SHANK2: variants seen among roughly 807,000 people sequenced by gnomAD.
SHANK2 encodes SH3 and multiple ankyrin repeat domains 2.
Under a neutral mutation model 133.7 loss-of-function variants are expected in SHANK2, and 43 were observed. That is an observed-to-expected ratio of 0.32 (90% CI 0.25 to 0.41). The LOEUF (loss-of-function observed/expected upper bound fraction) is 0.41. Among genes scored for constraint, SHANK2 ranks in the 10% least tolerant of loss-of-function variants. SHANK2 has a pLI of 1.00. For synonymous variants in SHANK2, 1,017 were observed against 952.8 expected, an observed-to-expected ratio of 1.07 and a Z score of -1.24; for missense variants, 1,994 against 2,235.8, an observed-to-expected ratio of 0.89 and a Z score of 2.18.
At chr11:70,825,076 C>T (rs986733531) in intron 11 of SHANK2, among the ~76,000 whole-genome samples, 2 of 152,160 alleles carry the variant, frequency 1.3e-5, no homozygotes, top group African/African-American at 2.4e-5. Context: ...CAGCCGACTG[C>T]CTCACGCCCA....
chr11:71,224,863 T>A (rs1954615424), intron 1 of SHANK2, 67 bp from the exon 2 acceptor site: 1 of 152,176 alleles, frequency 6.6e-6, no homozygotes, highest in Non-Finnish European at 1.5e-5. Flanking sequence ...TGTTAAAACT[T>A]CATGTAGATT....
At chr11:70,909,331 G>A (rs1255909874) in intron 10 of SHANK2, among the ~76,000 whole-genome samples, 3 of 152,182 alleles carry the variant, frequency 2.0e-5, no homozygotes, top group Non-Finnish European at 4.4e-5. Flanking sequence ...CTAGACTCAC[G>A]GCACAGAATG....
intron 14 of SHANK2, among the ~76,000 whole-genome samples, chr11:70,765,802 T>G: frequency 6.6e-6 from 1 of 152,048 alleles, no homozygotes. Flanking sequence ...ATACATGAAA[T>G]AAGTTTTGTT....
intron 17 of SHANK2, among the ~76,000 whole-genome samples, chr11:70,616,742 C>A (rs1220523638): frequency 1.3e-5 from 2 of 152,186 alleles, no homozygotes; most frequent in Non-Finnish European, 1.5e-5. Context: ...GGGAGTACTT[C>A]CAGGCTGGGG....
intron 1 of SHANK2, among the ~76,000 whole-genome samples, chr11:71,230,509 C>G (rs1954725247): frequency 6.7e-6 from 1 of 149,940 alleles, no homozygotes; most frequent in South Asian, 2.1e-4. Flanking sequence ...GTGGAGATTG[C>G]AGTGAGCCGA....
At chr11:70,558,382 G>A (rs1034602426) in intron 17 of SHANK2, among the ~76,000 whole-genome samples, 4 of 152,210 alleles carry the variant, frequency 2.6e-5, no homozygotes, top group Admixed American at 1.3e-4. Context: ...CAGCCCATTC[G>A]GCGTGCACGA....
rs1953538883 is a variant in SHANK2 at position 71,180,774 on chromosome 11, A to G, written c.-12-33436T>C. Among the ~76,000 whole-genome samples, 3 of 152,082 alleles carry G rather than the reference A, an allele frequency of 2.0e-5. No homozygotes were observed. The South Asian group carries it at 6.2e-4, about 31-fold the overall frequency. On this transcript the variant is annotated intron_variant, in intron 2 of 25. Transcript: ENST00000601538. ...CACTTTTAGGAAGTGCTGAAGCTAC[A>G]ACCCAAGAAGGACGGAATTTTTACC...
At chr11:71,225,261 C>A (rs1954620898) in intron 1 of SHANK2, among the ~76,000 whole-genome samples, 1 of 152,202 alleles carries the variant, frequency 6.6e-6, no homozygotes, top group Non-Finnish European at 1.5e-5. Flanking sequence ...GTGGCCTCAG[C>A]CCCACCCACA....
chr11:70,652,998 A>T (rs910592532), intron 17 of SHANK2, among the ~76,000 whole-genome samples: 18 of 151,874 alleles, frequency 1.2e-4, no homozygotes, highest in Non-Finnish European at 2.2e-4. Flanking sequence ...TTTGAGATGG[A>T]GTCTCGCTCT....
intron 10 of SHANK2, among the ~76,000 whole-genome samples, chr11:70,937,346 C>G (rs1442110896): frequency 6.6e-6 from 1 of 152,078 alleles, no homozygotes; most frequent in African/African-American, 2.4e-5. Flanking sequence ...AAACAAAAGC[C>G]CCAAATGCCT....
At chr11:70,573,279 G>A (rs1163071989) in intron 17 of SHANK2, among the ~76,000 whole-genome samples, 4 of 129,106 alleles carry the variant, frequency 3.1e-5, no homozygotes. Context: ...AGCGGTGGGG[G>A]CGGGGGGGCT....
At chr11:70,603,790 C>G (rs1445578222) in intron 17 of SHANK2, 1 of 152,708 alleles carries the variant, frequency 6.5e-6, no homozygotes, top group Non-Finnish European at 1.5e-5. Flanking sequence ...AAGGAAATGT[C>G]TGTGGAGCTC....
At chr11:70,860,032 G>A (rs899449934) in intron 11 of SHANK2, among the ~76,000 whole-genome samples, 1 of 152,062 alleles carries the variant, frequency 6.6e-6, no homozygotes, top group Admixed American at 6.6e-5. Context: ...AAAGAACCCC[G>A]ACTATCTCCC....
At chr11:71,235,360 G>A (rs1040163514) in intron 1 of SHANK2, among the ~76,000 whole-genome samples, 36 of 152,220 alleles carry the variant, frequency 2.4e-4, no homozygotes, top group African/African-American at 8.7e-4. Context: ...TTGGGAGGCC[G>A]AGGCAGGTGG....
At chr11:70,596,543 C>T (rs1387256898) in intron 17 of SHANK2, among the ~76,000 whole-genome samples, 5 of 152,226 alleles carry the variant, frequency 3.3e-5, no homozygotes, top group African/African-American at 4.8e-5. Context: ...AAGAGGACTG[C>T]AGGACTTTCC....
intron 3 of SHANK2, among the ~76,000 whole-genome samples, chr11:71,139,918 C>T (rs1185322946): frequency 6.6e-6 from 1 of 152,188 alleles, no homozygotes; most frequent in East Asian, 1.9e-4. Flanking sequence ...CAGCAGTGGG[C>T]CCGGACAGCA....
rs1262358533 is a variant in SHANK2 at position 70,569,261 on chromosome 11, G to T, written c.2062-66330C>A. On this transcript the variant is annotated intron_variant, in intron 17 of 25. Coordinates refer to ENST00000601538, the MANE Select transcript of SHANK2 (RefSeq NM_012309.5). This position sits in a 1 kb window ranked among gnomAD's most constrained non-coding sequence, Gnocchi z 5.1. ...TAAGTGTGTAGTGACCCCAGGGGAG[G>T]CTGGTGGCTAAGCCATGCCGCTGGG... is the stretch of plus-strand genomic sequence containing the variant. 1.3e-5 allele frequency among the ~76,000 whole-genome samples: 2 copies of T among 152,204 alleles called. No individual in the cohort carries two copies. Among genetic ancestry groups the T allele is most frequent in the Non-Finnish European group, 2.9e-5 (2 of 68,026 alleles).
intron 17 of SHANK2, among the ~76,000 whole-genome samples, chr11:70,508,303 G>A (rs782373455): frequency 6.6e-5 from 10 of 152,258 alleles, no homozygotes; most frequent in South Asian, 2.1e-4. Context: ...GACCTTTCCC[G>A]ACAGAATGCT....
chr11:70,879,089 A>G (rs1949617296), intron 11 of SHANK2, among the ~76,000 whole-genome samples: 1 of 152,146 alleles, frequency 6.6e-6, no homozygotes, highest in African/African-American at 2.4e-5. Flanking sequence ...GGTCCTAAGG[A>G]CGAGGGTATA....
Sources: allele counts gnomAD v4.1 joint callset (sites outside exome capture counted in the v4.1 genomes callset), GRCh38; gene constraint gnomAD v4.1.1; non-coding constraint Gnocchi (gnomAD v3.1); transcripts MANE v1.5; gene names NCBI Gene and HGNC (gene_info 2026-07-23, HGNC 2026-07-21).